The following PRDM16 variants were observed in gnomAD, a reference collection of about 807,000 sequenced individuals.
PRDM16 encodes the protein histone-lysine N-methyltransferase PRDM16.
In PRDM16, 23 loss-of-function variants were observed where a neutral mutation model predicts 110.6. The observed-to-expected ratio is 0.21, with a 90% CI of 0.15 to 0.29. The LOEUF (loss-of-function observed/expected upper bound fraction) is 0.29. Ranked by LOEUF, PRDM16 falls within the 10% of genes least tolerant of loss-of-function variation. The pLI, the probability that PRDM16 is intolerant of heterozygous loss-of-function variation, is 1.00. For synonymous variants in PRDM16, 799 were observed against 781.8 expected (o/e 1.02, Z -0.37); for missense variants, 1,615 against 1,794.3 (o/e 0.90, Z 1.81).
chr1:3,220,354 C>CA (rs1639124759), intron 2 of PRDM16, among the ~76,000 whole-genome samples: 1 of 152,178 alleles, frequency 6.6e-6, no homozygotes, highest in Non-Finnish European at 1.5e-5. Context: ...GGCTCAGACT[C>CA]ACGCCCAGGG....
intron 3 of PRDM16, among the ~76,000 whole-genome samples, chr1:3,366,729 G>A (rs536486055): frequency 3.0e-4 from 46 of 152,202 alleles, no homozygotes; most frequent in South Asian, 2.5e-3. Flanking sequence ...TGATTAGGGC[G>A]TCTCGTGAAA....
At chr1:3,140,176 G>T (rs76782689) in intron 1 of PRDM16, among the ~76,000 whole-genome samples, 2 of 152,216 alleles carry the variant, frequency 1.3e-5, no homozygotes, top group Non-Finnish European at 2.9e-5. Context: ...CCGCTCCCCC[G>T]GCGGATGCAG....
In PRDM16 at chr1:3,417,546, C is replaced by T. The variant is rs77830654; in HGVS notation, c.2692-282C>T. On this transcript the variant is annotated intron_variant, in intron 10 of 16. Transcript: ENST00000270722. ...TGTATCACTCAGGTCCCGCCCAAACCGGGCAGTGAGGCTGGTTGCTAAAGA... is the reference window on the plus strand; with the variant it reads ...TGTATCACTCAGGTCCCGCCCAAACTGGGCAGTGAGGCTGGTTGCTAAAGA... Among the ~76,000 whole-genome samples the T allele has an allele frequency of 0.016, 2,374 of 152,318 alleles. 23 individuals are homozygous for T. Among genetic ancestry groups the T allele is most frequent in the African/African-American group, 0.029 (1,222 of 41,572 alleles).
chr1:3,337,065 A>C (rs1420710678), intron 3 of PRDM16, among the ~76,000 whole-genome samples: 1 of 144,516 alleles, frequency 6.9e-6, no homozygotes, highest in Admixed American at 6.9e-5. Flanking sequence ...GTTGGTGTGA[A>C]TCTGTGTGCG....
At chr1:3,401,882 CAA>C (rs56984298) in intron 5 of PRDM16, among the ~76,000 whole-genome samples, 41,653 of 152,088 alleles carry the variant, frequency 0.27, 6,992 homozygotes, top group East Asian at 0.61. Flanking sequence ...CCAGTGCACA[CAA>C]ATATTCACGC....
chr1:3,070,619 T>C (rs1641729861), intron 1 of PRDM16, among the ~76,000 whole-genome samples: 1 of 127,282 alleles, frequency 7.9e-6, no homozygotes, highest in East Asian at 2.5e-4. Flanking sequence ...CGTCCGCGCC[T>C]CCGGGGCCGG....
intron 1 of PRDM16, among the ~76,000 whole-genome samples, chr1:3,082,922 G>T (rs1289087814): frequency 1.3e-5 from 2 of 152,206 alleles, no homozygotes; most frequent in Admixed American, 1.3e-4. Context: ...TCTAGGACAG[G>T]ATGCTCGGCC....
chr1:3,396,229 A>C, intron 4 of PRDM16: 12 of 515,810 alleles, frequency 2.3e-5, no homozygotes, highest in East Asian at 5.0e-5. Context: ...CCAGCTGGGA[A>C]CTTTCATGTG....
At chr1:3,409,554 T>C (rs1643633380) in intron 8 of PRDM16, among the ~76,000 whole-genome samples, 2 of 152,164 alleles carry the variant, frequency 1.3e-5, no homozygotes, top group African/African-American at 4.8e-5. Context: ...CAGCCGACGA[T>C]TTCTGGTGAG....
chr1:3,434,176 G>GAAAA lies in PRDM16; in HGVS notation c.*367_*368insAAAA, dbSNP rs1412836467. On this transcript the variant is annotated 3_prime_UTR_variant, in exon 17 of 17. Transcript: ENST00000270722. ...GGTGCCCGCGTGGGGTCGCGGAAGGGAATGGATAGACTGGTGTGCTCAAAA... is the reference window on the plus strand; with the variant it reads ...GGTGCCCGCGTGGGGTCGCGGAAGGGAAAAAATGGATAGACTGGTGTGCTCAAAA... 6 of 309,466 alleles carry GAAAA rather than the reference G, an allele frequency of 1.9e-5. No homozygotes were observed. In the East Asian group the frequency reaches 3.1e-4, roughly 16 times the overall value. 19.2% of individuals were successfully genotyped at this position (309,466 alleles called of 1,614,324 possible).
At chr1:3,396,313 C>T (rs780586663) in intron 4 of PRDM16, 178 bp from the exon 5 acceptor site, 2 of 681,596 alleles carry the variant, frequency 2.9e-6, no homozygotes, top group African/African-American at 3.5e-5. Flanking sequence ...AAAGGGGACG[C>T]AATTCCTTCT....
At chr1:3,233,952 T>C (rs1172150384) in intron 2 of PRDM16, among the ~76,000 whole-genome samples, 2 of 151,976 alleles carry the variant, frequency 1.3e-5, no homozygotes, top group Admixed American at 6.5e-5. Flanking sequence ...AGATGGCCTC[T>C]TGCGGGTGGG....
intron 1 of PRDM16, among the ~76,000 whole-genome samples, chr1:3,107,173 C>T (rs899162289): frequency 6.6e-5 from 10 of 152,344 alleles, no homozygotes; most frequent in Admixed American, 2.0e-4. Flanking sequence ...GCTGCCATTT[C>T]CCAGGGTCAA....
intron 3 of PRDM16, among the ~76,000 whole-genome samples, chr1:3,365,801 T>C (rs1642798930): frequency 6.6e-6 from 1 of 152,190 alleles, no homozygotes; most frequent in Non-Finnish European, 1.5e-5. Context: ...CAGAGCCGTT[T>C]GGAGGAGGTT....
Position 3,209,072 on chromosome 1 carries a change from G to A in PRDM16, c.387+22598G>A, listed in dbSNP as rs1264273381. Among the ~76,000 whole-genome samples the A allele has an allele frequency of 6.6e-6, 1 of 152,178 alleles. No homozygotes were observed. The highest frequency in any genetic ancestry group is 1.5e-5 in the Non-Finnish European group (1 of 68,030). ...ACAGAGAGCAGTGGGAATTCAGAAGGAGCTCAGAAGGGAATGCCCTGTGCC... is the reference window on the plus strand; with the variant it reads ...ACAGAGAGCAGTGGGAATTCAGAAGAAGCTCAGAAGGGAATGCCCTGTGCC... On this transcript the variant is annotated intron_variant, in intron 2 of 16. Transcript: ENST00000270722. The surrounding 1 kb of genome is among the most constrained non-coding windows in gnomAD (Gnocchi z 4.6).
chr1:3,255,516 G>A lies in PRDM16; in HGVS notation c.438+11379G>A, dbSNP rs965204355. Among the ~76,000 whole-genome samples the A allele has an allele frequency of 3.3e-5, 5 of 152,136 alleles. No individual in the cohort carries two copies. Among genetic ancestry groups the A allele is most frequent in the African/African-American group, 1.2e-4 (5 of 41,416 alleles). On this transcript the variant is annotated intron_variant, in intron 3 of 16. Coordinates refer to ENST00000270722, the MANE Select transcript of PRDM16 (RefSeq NM_022114.4). The surrounding 1 kb of genome is among the most constrained non-coding windows in gnomAD (Gnocchi z 4.7). ...GTGGGGCGGAGTCCTGGGAGGAGGT[G>A]TGGCATTCATCTGTGGCCACAGTGG... is the stretch of plus-strand genomic sequence containing the variant.
chr1:3,345,551 C>A (rs1642343818), intron 3 of PRDM16, among the ~76,000 whole-genome samples: 1 of 152,228 alleles, frequency 6.6e-6, no homozygotes, highest in African/African-American at 2.4e-5. Flanking sequence ...AAGTACCCCA[C>A]CTAAGGACAC....
At chr1:3,263,227 C>T (rs188720571) in intron 3 of PRDM16, among the ~76,000 whole-genome samples, 2 of 152,186 alleles carry the variant, frequency 1.3e-5, no homozygotes, top group South Asian at 2.1e-4. Flanking sequence ...CCTGAGAACA[C>T]GGTGAGCTGA....
At chr1:3,360,210 T>C (rs1445679002) in intron 3 of PRDM16, among the ~76,000 whole-genome samples, 1 of 152,242 alleles carries the variant, frequency 6.6e-6, no homozygotes, top group African/African-American at 2.4e-5. Flanking sequence ...GCAGCTCGAA[T>C]GCAGCTGAGG....
Sources: allele counts gnomAD v4.1 joint callset (sites outside exome capture counted in the v4.1 genomes callset), GRCh38; gene constraint gnomAD v4.1.1; non-coding constraint Gnocchi (gnomAD v3.1); transcripts MANE v1.5; gene names NCBI Gene and HGNC (gene_info 2026-07-23, HGNC 2026-07-21).